Variants in NLK observed in about 807,000 individuals in gnomAD.
NLK encodes nemo like kinase.
Under a neutral mutation model 59.0 loss-of-function variants are expected in NLK, and 11 were observed. The ratio of observed to expected loss-of-function variants is 0.19; its 90% CI spans 0.12 to 0.31. The LOEUF (loss-of-function observed/expected upper bound fraction) is 0.31, where lower values mean the gene tolerates loss of function less well. Ranked by LOEUF, NLK falls within the 10% of genes least tolerant of loss-of-function variation. The probability of loss-of-function intolerance (pLI) is 1.00; values close to 1 mark genes in which losing one functional copy is unlikely to be tolerated. For missense variants in NLK, 410 were observed against 661.1 expected (o/e 0.62, Z 4.16); for synonymous variants, 235 against 235.9 (o/e 1.00, Z 0.03).
chr17:28,066,130 G>C (rs1357863144), intron 1 of NLK, among the ~76,000 whole-genome samples: 4 of 152,028 alleles, frequency 2.6e-5, no homozygotes. Flanking sequence ...TCTTCTTTCA[G>C]GTGTTCAACC....
At chr17:28,133,805 G>C (rs1906618974) in intron 3 of NLK, among the ~76,000 whole-genome samples, 1 of 152,094 alleles carries the variant, frequency 6.6e-6, no homozygotes, top group Admixed American at 6.5e-5. Context: ...TACTTTTTCT[G>C]ATTCACCAGT....
downstream of NLK, among the ~76,000 whole-genome samples, chr17:28,199,443 AT>A (rs1282223929): frequency 6.6e-6 from 1 of 152,086 alleles, no homozygotes; most frequent in Non-Finnish European, 1.5e-5. Context: ...AGGCATGCGG[AT>A]CACCTGAGGT....
At chr17:28,149,790 C>G (rs891196941) in intron 3 of NLK, among the ~76,000 whole-genome samples, 7 of 152,194 alleles carry the variant, frequency 4.6e-5, no homozygotes, top group Non-Finnish European at 1.0e-4. Flanking sequence ...AAGCAGTGGG[C>G]TGTCTTGTAC....
Position 28,195,012 on chromosome 17 carries a change from CACAA to C in NLK, c.*380_*383del, listed in dbSNP as rs1277763363. On this transcript the variant is annotated 3_prime_UTR_variant, in exon 11 of 11. Coordinates refer to ENST00000407008, the MANE Select transcript of NLK (RefSeq NM_016231.5). ...ACACACACACACACACACACACACA[CACAA>C]ACACAAAGGACAGTCATACATTTTG... 1.6e-4 allele frequency: 26 copies of C among 163,942 alleles called. No individual in the cohort carries two copies. Among genetic ancestry groups the C allele is most frequent in the Non-Finnish European group, 3.0e-4 (23 of 75,760 alleles). The allele number at this position is 163,942 out of a possible 1,614,324, so 10.2% of individuals were successfully genotyped here.
intron 1 of NLK, among the ~76,000 whole-genome samples, chr17:28,081,163 T>G (rs753667934): frequency 6.6e-6 from 1 of 151,920 alleles, no homozygotes; most frequent in Admixed American, 6.5e-5. Flanking sequence ...GTGCTCAGAT[T>G]AGAGGCATGG....
chr17:28,085,734 C>G (rs928845518), intron 1 of NLK, among the ~76,000 whole-genome samples: 6 of 151,988 alleles, frequency 3.9e-5, no homozygotes, highest in African/African-American at 1.5e-4. Flanking sequence ...GAGCAAGACC[C>G]AGTCTCAAGA....
chr17:28,117,193 T>G (rs1905816959), intron 1 of NLK, among the ~76,000 whole-genome samples: 1 of 152,194 alleles, frequency 6.6e-6, no homozygotes, highest in Non-Finnish European at 1.5e-5. Flanking sequence ...TCTCTGTATC[T>G]CCCCAGCATC....
intron 1 of NLK, among the ~76,000 whole-genome samples, chr17:28,065,281 A>T (rs35923699): frequency 8.8e-4 from 134 of 151,950 alleles, no homozygotes; most frequent in African/African-American, 3.1e-3. Context: ...TGTAGGCCTG[A>T]TTAGGGGAGT....
rs554830971 is a variant in NLK, at chr17:28,184,519, C to T, written c.1150-660C>T. Among the ~76,000 whole-genome samples, 266 of 152,074 alleles carry T rather than the reference C, an allele frequency of 1.7e-3. 1 individual carries two copies. The highest frequency in any genetic ancestry group is 5.9e-3 in the African/African-American group (244 of 41,482). On this transcript the variant is annotated intron_variant, in intron 7 of 10. Coordinates refer to ENST00000407008, the MANE Select transcript of NLK (RefSeq NM_016231.5). ...TATTTGGAAGCCTCCCGTGTACGCA[C>T]GATAAATAAATGTGTATGCCTTTTC...
chr17:28,173,324 AT>A (rs1373518933), intron 7 of NLK, among the ~76,000 whole-genome samples: 7 of 152,050 alleles, frequency 4.6e-5, no homozygotes, highest in African/African-American at 1.7e-4. Context: ...CCAGCAACAA[AT>A]TTTCCTGAGT....
At chr17:28,051,994 A>T (rs185360222) in intron 1 of NLK, among the ~76,000 whole-genome samples, 15 of 152,072 alleles carry the variant, frequency 9.9e-5, no homozygotes, top group Non-Finnish European at 1.8e-4. Flanking sequence ...CTAATTTGGG[A>T]TTAGATTTTA....
chr17:28,106,498 T>G (rs1003690141), intron 1 of NLK, among the ~76,000 whole-genome samples: 1 of 152,178 alleles, frequency 6.6e-6, no homozygotes, highest in African/African-American at 2.4e-5. Flanking sequence ...GAATAAGAGA[T>G]AATATCTCAC....
intron 7 of NLK, among the ~76,000 whole-genome samples, chr17:28,178,488 G>A (rs903383532): frequency 5.3e-5 from 8 of 152,168 alleles, no homozygotes; most frequent in Admixed American, 3.3e-4. Flanking sequence ...CACAGCCCAC[G>A]TATCTATTAA....
chr17:28,062,014 T>A (rs1396181913), intron 1 of NLK: 1 of 150,700 alleles, frequency 6.6e-6, no homozygotes, highest in Non-Finnish European at 1.5e-5. Flanking sequence ...GGACTTTCCA[T>A]CCATCTAATC....
intron 4 of NLK, among the ~76,000 whole-genome samples, chr17:28,162,224 C>T (rs1407325237): frequency 2.0e-5 from 3 of 152,064 alleles, no homozygotes; most frequent in Admixed American, 6.5e-5. Flanking sequence ...ACCGTATTAG[C>T]CAGGATGATC....
chr17:28,104,504 T>G (rs1312417770), intron 1 of NLK, among the ~76,000 whole-genome samples: 1 of 152,176 alleles, frequency 6.6e-6, no homozygotes, highest in African/African-American at 2.4e-5. Context: ...TCTGTCCACC[T>G]TGGCCACCTA....
chr17:28,178,619 C>T (rs1026387549), intron 7 of NLK, among the ~76,000 whole-genome samples: 3 of 152,168 alleles, frequency 2.0e-5, no homozygotes, highest in African/African-American at 7.2e-5. Flanking sequence ...TTTGTTCCCA[C>T]CTAATTGTGT....
intron 2 of NLK, among the ~76,000 whole-genome samples, chr17:28,126,212 AG>A: frequency 6.6e-6 from 1 of 152,346 alleles, no homozygotes; most frequent in South Asian, 2.1e-4. Context: ...TGCATAGCAA[AG>A]AGCTGGACAA....
chr17:28,202,574 T>C, the NLK span, among the ~76,000 whole-genome samples: 4 of 152,200 alleles, frequency 2.6e-5, no homozygotes, highest in African/African-American at 9.7e-5. Context: ...CTTTGTTTAG[T>C]TTTGGTCTCA....
Sources: gnomAD v4.1 joint callset for allele counts (sites outside exome capture counted in the v4.1 genomes callset) on GRCh38, gnomAD v4.1.1 for gene constraint, MANE v1.5 for transcripts, NCBI Gene and HGNC (gene_info 2026-07-23, HGNC 2026-07-21) for gene names.